The following AUH variants were observed in gnomAD, a reference collection of about 807,000 sequenced individuals.
AUH encodes the protein methylglutaconyl-CoA hydratase, mitochondrial.
In AUH, 29 loss-of-function variants were observed where a neutral mutation model predicts 42.3. That is an observed-to-expected ratio of 0.69 (90% CI 0.51 to 0.93). AUH has a LOEUF of 0.93. Ranked by LOEUF, AUH falls within the 40% of genes least tolerant of loss-of-function variation. AUH has a pLI of 0.00. For missense variants in AUH, 452 were observed against 438.1 expected (o/e 1.03, Z -0.28); for synonymous variants, 174 against 166.4 (o/e 1.05, Z -0.35).
intron 4 of AUH, among the ~76,000 whole-genome samples, chr9:91,312,589 G>C (rs1198731653): frequency 1.3e-5 from 2 of 152,212 alleles, no homozygotes; most frequent in African/African-American, 4.8e-5. Flanking sequence ...TAGCCGGCGT[G>C]GTGGCTCACG....
intron 6 of AUH, among the ~76,000 whole-genome samples, chr9:91,235,807 T>A (rs1265983950): frequency 6.6e-6 from 1 of 152,208 alleles, no homozygotes; most frequent in Non-Finnish European, 1.5e-5. Context: ...CATTCAGGAA[T>A]ACACAGGTCT....
intron 3 of AUH, chr9:91,342,738 T>C (rs1831199846): frequency 6.6e-6 from 1 of 152,188 alleles, no homozygotes; most frequent in Non-Finnish European, 1.5e-5. Context: ...ACGAGTACTC[T>C]GAGTCATTTT....
Position 91,298,089 on chromosome 9 carries a change from GA to G in AUH, c.506-14del, listed in dbSNP as rs1827493145. Reference sequence around the variant, plus strand: ...ACTGGAAGATTAGCTGAAATGGAAAGAAAATTTTATGCTTCCTTAATAAGAT... The same window carrying G: ...ACTGGAAGATTAGCTGAAATGGAAAGAAATTTTATGCTTCCTTAATAAGAT... On this transcript the variant is annotated splice_polypyrimidine_tract_variant and intron_variant, in intron 4 of 9. Coordinates refer to ENST00000375731, the MANE Select transcript of AUH (RefSeq NM_001698.3). The G allele has an allele frequency of 5.0e-6, 8 of 1,593,646 alleles. No homozygotes were observed. The highest frequency in any genetic ancestry group is 6.9e-6 in the Non-Finnish European group (8 of 1,161,736).
rs377735590 is a variant in AUH at position 91,217,258 on chromosome 9, C to A, written c.894+19G>T. ...CCACTCTCCATTCCCAAAACAAACT[C>A]AAGCATTAAGGAACCTACCTCCATC... On this transcript the variant is annotated intron_variant, in intron 8 of 9. Coordinates refer to ENST00000375731, the MANE Select transcript of AUH (RefSeq NM_001698.3). 2.5e-6 allele frequency: 4 copies of A among 1,610,756 alleles called. No individual in the cohort carries two copies. Among genetic ancestry groups the A allele is most frequent in the Non-Finnish European group, 3.4e-6 (4 of 1,177,204 alleles).
chr9:91,360,022 AAAAAG>A (rs1832729208), intron 1 of AUH, among the ~76,000 whole-genome samples: 1 of 152,074 alleles, frequency 6.6e-6, no homozygotes, highest in Admixed American at 6.5e-5. Context: ...AGAAAAAAAA[AAAAAG>A]AAACCATGAT....
chr9:91,357,816 G>C (rs140337954), intron 1 of AUH, among the ~76,000 whole-genome samples: 4 of 152,324 alleles, frequency 2.6e-5, no homozygotes, highest in Non-Finnish European at 5.9e-5. Context: ...CTACGAGGGG[G>C]AGAAGAGAGT....
chr9:91,302,787 T>A (rs935804596), intron 4 of AUH, among the ~76,000 whole-genome samples: 2 of 151,784 alleles, frequency 1.3e-5, no homozygotes, highest in African/African-American at 4.8e-5. Context: ...GGAAAAAAAA[T>A]GTTAATAATC....
chr9:91,230,524 C>T (rs1292835010), intron 6 of AUH, among the ~76,000 whole-genome samples: 5 of 151,886 alleles, frequency 3.3e-5, no homozygotes, highest in East Asian at 1.9e-4. Flanking sequence ...TCAGAGTAAT[C>T]TGATCGTCTG....
At chr9:91,222,513 ATAAG>A (rs1827190982) in intron 6 of AUH, among the ~76,000 whole-genome samples, 1 of 152,236 alleles carries the variant, frequency 6.6e-6, no homozygotes, top group African/African-American at 2.4e-5. Flanking sequence ...GTGAGTTTAT[ATAAG>A]TGTTTACTCG....
intron 6 of AUH, among the ~76,000 whole-genome samples, chr9:91,270,730 A>T (rs1418675908): frequency 6.6e-6 from 1 of 152,186 alleles, no homozygotes; most frequent in African/African-American, 2.4e-5. Flanking sequence ...GGTACCTATC[A>T]AACCAAACAA....
intron 3 of AUH, among the ~76,000 whole-genome samples, chr9:91,336,387 T>C (rs1164162728): frequency 6.6e-6 from 1 of 152,166 alleles, no homozygotes; most frequent in African/African-American, 2.4e-5. Flanking sequence ...CCCAACACTT[T>C]GGGAGGCCAA....
rs151057865 is a variant in AUH, at chr9:91,329,882, T to C, written c.419-4478A>G. Among the ~76,000 whole-genome samples, 403 of 152,312 alleles carry C rather than the reference T, an allele frequency of 2.6e-3. 3 individuals are homozygous for C. Among genetic ancestry groups the C allele is most frequent in the African/African-American group, 9.3e-3 (387 of 41,576 alleles). On this transcript the variant is annotated intron_variant, in intron 3 of 9. Coordinates refer to ENST00000375731, the MANE Select transcript of AUH (RefSeq NM_001698.3). ...ATAAAAAGTAACTGTAAAGTACCTA[T>C]AGCTAACATAATCTTTAACAGTCAA...
chr9:91,310,018 C>G (rs1828578978), intron 4 of AUH, among the ~76,000 whole-genome samples: 1 of 152,114 alleles, frequency 6.6e-6, no homozygotes, highest in South Asian at 2.1e-4. Context: ...TGATGACTCC[C>G]AAGTTCACCT....
At chr9:91,340,064 AC>A (rs1255135858) in intron 3 of AUH, among the ~76,000 whole-genome samples, 1 of 152,224 alleles carries the variant, frequency 6.6e-6, no homozygotes, top group Non-Finnish European at 1.5e-5. Context: ...ATAGAAAATT[AC>A]TAGAGAAAGA....
At chr9:91,292,640 C>T (rs1235460291) in intron 6 of AUH, among the ~76,000 whole-genome samples, 1 of 151,958 alleles carries the variant, frequency 6.6e-6, no homozygotes. Context: ...TGAGGACACA[C>T]ACATTTAAAT....
intron 1 of AUH, 151 bp downstream of exon 1, chr9:91,361,477 G>T: frequency 9.2e-7 from 1 of 1,081,180 alleles, no homozygotes; most frequent in South Asian, 1.7e-5. Flanking sequence ...CACGCTGGGT[G>T]AGTAGGGAGG....
chr9:91,294,936 C>A, intron 6 of AUH: 1 of 360,788 alleles, frequency 2.8e-6, no homozygotes, highest in Non-Finnish European at 5.5e-6. Context: ...TTGGCTGTGT[C>A]CCCACCCAAA....
At chr9:91,332,932 A>G (rs1312440399) in intron 3 of AUH, among the ~76,000 whole-genome samples, 1 of 151,924 alleles carries the variant, frequency 6.6e-6, no homozygotes, top group Non-Finnish European at 1.5e-5. Flanking sequence ...ACCTCCCAGA[A>G]CCACTCTGCG....
chr9:91,260,713 T>A (rs557721516), intron 6 of AUH, among the ~76,000 whole-genome samples: 1 of 152,198 alleles, frequency 6.6e-6, no homozygotes, highest in African/African-American at 2.4e-5. Context: ...TTTTAAAATA[T>A]TCTTTCTTTC....
Sources: gnomAD v4.1 joint callset for allele counts (sites outside exome capture counted in the v4.1 genomes callset) on GRCh38, gnomAD v4.1.1 for gene constraint, MANE v1.5 for transcripts, NCBI Gene and HGNC (gene_info 2026-07-23, HGNC 2026-07-21) for gene names.